SLA: variants seen among roughly 807,000 people sequenced by gnomAD.
The protein encoded by SLA is src-like-adapter.
In SLA, 16 loss-of-function variants were observed where a neutral mutation model predicts 30.3. The ratio of observed to expected loss-of-function variants is 0.53; its 90% CI spans 0.36 to 0.80. The LOEUF (loss-of-function observed/expected upper bound fraction) is 0.80. Among genes scored for constraint, SLA ranks in the 30% least tolerant of loss-of-function variants. SLA has a pLI of 0.01. For synonymous variants in SLA, 143 were observed against 137.8 expected (o/e 1.04, Z -0.26); for missense variants, 310 against 345.2 (o/e 0.90, Z 0.81).
At chr8:133,091,121 A>C (rs1847445880) in intron 1 of SLA, among the ~76,000 whole-genome samples, 1 of 152,206 alleles carries the variant, frequency 6.6e-6, no homozygotes, top group South Asian at 2.1e-4. Flanking sequence ...GCCCACATTC[A>C]ATGCCAGGCA....
intron 1 of SLA, among the ~76,000 whole-genome samples, chr8:133,087,071 TACACACACACACACACACACACACACAC>T (rs56028043): frequency 2.8e-5 from 4 of 143,046 alleles, no homozygotes; most frequent in Admixed American, 1.4e-4. Context: ...AATATATGTT[TACACACACACACACACACACACACACAC>T]ACACACACAC....
chr8:133,081,094 G>A (rs1845673577), intron 1 of SLA, among the ~76,000 whole-genome samples: 1 of 152,236 alleles, frequency 6.6e-6, no homozygotes, highest in Non-Finnish European at 1.5e-5. Flanking sequence ...TTTATCATGA[G>A]GGTCCATACA....
At chr8:133,057,000 T>TGG (rs1841551497) in intron 3 of SLA, among the ~76,000 whole-genome samples, 1 of 152,190 alleles carries the variant, frequency 6.6e-6, no homozygotes, top group Non-Finnish European at 1.5e-5. Flanking sequence ...CAGGGGATTC[T>TGG]GATGCAGGTG....
At chr8:133,041,746 C>A (rs1219533545) in intron 7 of SLA, among the ~76,000 whole-genome samples, 1 of 151,622 alleles carries the variant, frequency 6.6e-6, no homozygotes, top group Non-Finnish European at 1.5e-5. Flanking sequence ...TAGCCTCGTA[C>A]CCTGGATCTC....
intron 2 of SLA, among the ~76,000 whole-genome samples, chr8:133,071,203 G>A (rs1339888475): frequency 1.3e-5 from 2 of 152,292 alleles, no homozygotes; most frequent in African/African-American, 4.8e-5. Context: ...TGTGTTACAT[G>A]TACTCTCCAC....
chr8:133,087,092 A>G (rs1846699639), intron 1 of SLA, among the ~76,000 whole-genome samples: 1 of 147,644 alleles, frequency 6.8e-6, no homozygotes, highest in East Asian at 2.0e-4. Context: ...ACACACACAC[A>G]CACACACACA....
chr8:133,051,747 A>G (rs890493269), intron 3 of SLA, among the ~76,000 whole-genome samples: 1 of 152,226 alleles, frequency 6.6e-6, no homozygotes, highest in Non-Finnish European at 1.5e-5. Flanking sequence ...ATTCAGATGC[A>G]TTAGATGCAG....
rs541360626 is a variant in SLA, at chr8:133,100,288, G to A, written c.-319+2265C>T. 3.3e-5 allele frequency among the ~76,000 whole-genome samples: 5 copies of A among 152,288 alleles called. No individual in the cohort carries two copies. The East Asian group carries it at 9.6e-4, about 29-fold the overall frequency. On this transcript the variant is annotated intron_variant, in intron 1 of 8. Transcript: ENST00000338087. ...CTTGACCACTTGGATTCAGAGGGAA[G>A]CCATATCCCCAGCCTTCTCTATCCC...
chr8:133,060,801 C>T (rs1332634277), intron 2 of SLA, among the ~76,000 whole-genome samples: 1 of 152,188 alleles, frequency 6.6e-6, no homozygotes, highest in Non-Finnish European at 1.5e-5. Flanking sequence ...TTGCATCATG[C>T]TTAAGCCCAT....
chr8:133,052,404 T>C (rs946715876), intron 3 of SLA, among the ~76,000 whole-genome samples: 1 of 152,162 alleles, frequency 6.6e-6, no homozygotes, highest in African/African-American at 2.4e-5. Context: ...CCAAGAGTGA[T>C]CTTTAGTGGC....
Position 133,038,901 on chromosome 8 carries a change from G to A in SLA, c.618-164C>T, listed in dbSNP as rs1813500965. Among the ~76,000 whole-genome samples, 3 of 152,218 alleles carry A rather than the reference G, an allele frequency of 2.0e-5. No homozygotes were observed. In the South Asian group the frequency reaches 6.2e-4, roughly 32 times the overall value. On this transcript the variant is annotated intron_variant, in intron 8 of 8. Coordinates refer to ENST00000338087, the MANE Select transcript of SLA (RefSeq NM_001045556.3). ...TATTTTTCTTTATTTATTTTAAGAT[G>A]GAGTCTCGCTCTGTTGCCCAGGCTG...
At chr8:133,095,147 A>G in intron 1 of SLA, 2 of 1,614,242 alleles carry the variant, frequency 1.2e-6, no homozygotes, top group Non-Finnish European at 1.7e-6. Flanking sequence ...TCATCCAGCC[A>G]AGAAGTGGTG....
In SLA at chr8:133,050,120, G is replaced by A. The variant is rs189429532; in HGVS notation, c.162-132C>T. On this transcript the variant is annotated intron_variant, in intron 4 of 8. Coordinates refer to ENST00000338087, the MANE Select transcript of SLA (RefSeq NM_001045556.3). ...TCTTTTAAGATCTGTCACTGGCCAC[G>A]TTAACCCATATTTCGTCATCTGAAA... is the stretch of plus-strand genomic sequence containing the variant. 556 of 711,886 alleles carry A rather than the reference G, an allele frequency of 7.8e-4. 1 individual carries two copies. Among genetic ancestry groups the A allele is most frequent in the African/African-American group, 4.5e-3 (253 of 56,750 alleles). 44.1% of individuals were successfully genotyped at this position (711,886 alleles called of 1,614,324 possible).
intron 1 of SLA, among the ~76,000 whole-genome samples, chr8:133,083,026 A>G (rs1315963847): frequency 6.6e-6 from 1 of 152,228 alleles, no homozygotes; most frequent in African/African-American, 2.4e-5. Flanking sequence ...CGTGGGGCAG[A>G]CATGGAGGGA....
intron 3 of SLA, among the ~76,000 whole-genome samples, chr8:133,057,618 C>T (rs915504958): frequency 5.9e-5 from 9 of 152,146 alleles, no homozygotes; most frequent in East Asian, 3.9e-4. Flanking sequence ...ACAGCTTCCA[C>T]GGAACATTAC....
chr8:133,071,062 A>G (rs934484418), intron 2 of SLA, among the ~76,000 whole-genome samples: 1 of 152,170 alleles, frequency 6.6e-6, no homozygotes, highest in African/African-American at 2.4e-5. Flanking sequence ...TCGCCTTTCT[A>G]TAAGTAGTGA....
chr8:133,067,168 C>G (rs373723304), intron 2 of SLA, among the ~76,000 whole-genome samples: 46 of 152,256 alleles, frequency 3.0e-4, no homozygotes, highest in African/African-American at 1.1e-3. Flanking sequence ...CACATCCTGA[C>G]CTCACTTCAC....
chr8:133,069,619 T>C (rs1297410097), intron 2 of SLA, among the ~76,000 whole-genome samples: 1 of 152,134 alleles, frequency 6.6e-6, no homozygotes, highest in Non-Finnish European at 1.5e-5. Context: ...GGACTATAAG[T>C]GCCTTGAGAG....
At chr8:133,065,910 G>A (rs1481526636) in intron 2 of SLA, among the ~76,000 whole-genome samples, 2 of 152,216 alleles carry the variant, frequency 1.3e-5, no homozygotes, top group African/African-American at 4.8e-5. Context: ...GGCAGTGTTT[G>A]GAAGCCCGGG....
Sources: allele counts gnomAD v4.1 joint callset (sites outside exome capture counted in the v4.1 genomes callset), GRCh38; gene constraint gnomAD v4.1.1; transcripts MANE v1.5; gene names NCBI Gene and HGNC (gene_info 2026-07-23, HGNC 2026-07-21).